Variants in CHRM5 observed in about 807,000 individuals in gnomAD.
The protein encoded by CHRM5 is cholinergic receptor muscarinic 5, also known as muscarinic acetylcholine receptor M5.
Under a neutral mutation model 39.0 loss-of-function variants are expected in CHRM5, and 18 were observed. The ratio of observed to expected loss-of-function variants is 0.46; its 90% CI spans 0.32 to 0.68. CHRM5 has a LOEUF of 0.68. CHRM5 is among the 30% of genes least tolerant of loss of function. CHRM5 has a pLI of 0.04. For synonymous variants in CHRM5, 241 were observed against 246.3 expected (o/e 0.98, Z 0.20); for missense variants, 515 against 651.1 (o/e 0.79, Z 2.28).
At chr15:34,047,978 A>G (rs1899773719) in intron 2 of CHRM5, among the ~76,000 whole-genome samples, 1 of 152,062 alleles carries the variant, frequency 6.6e-6, no homozygotes, top group Admixed American at 6.5e-5. Context: ...GGACCAAGTG[A>G]GTGGAGTAGC....
chr15:34,061,073 G>T (rs1297113947), intron 2 of CHRM5, among the ~76,000 whole-genome samples: 2 of 151,826 alleles, frequency 1.3e-5, no homozygotes, highest in Non-Finnish European at 2.9e-5. Context: ...TGTCAAGGTG[G>T]TGTTTGTTAT....
intron 1 of CHRM5, among the ~76,000 whole-genome samples, chr15:33,983,196 GTGTGTATATA>G (rs1220763558): frequency 1.7e-5 from 1 of 58,416 alleles, no homozygotes; most frequent in Non-Finnish European, 2.9e-5. Flanking sequence ...GTGTGTATGT[GTGTGTATATA>G]TATATATACA....
intron 1 of CHRM5, chr15:34,018,295 T>C (rs961841635): frequency 7.2e-5 from 11 of 152,276 alleles, no homozygotes; most frequent in African/African-American, 2.7e-4. Flanking sequence ...TTGTGGGTTC[T>C]CGGTCTCACT....
chr15:34,062,891 C>T lies in CHRM5; in HGVS notation c.174C>T (p.Asn58=), dbSNP rs760812750. ...NVLVMISFKV[N]SQLKTVNNYY... ...TGGTCATGATCTCCTTCAAAGTCAA[C>T]AGCCAGCTCAAGACAGTTAACAACT... The change falls in exon 3 of 3, where the codon AAC becomes AAT. Residue 58 remains asparagine (N), a synonymous_variant. Coordinates refer to ENST00000383263, the MANE Select transcript of CHRM5 (RefSeq NM_012125.4). 4 of 1,614,202 alleles carry T rather than the reference C, an allele frequency of 2.5e-6. No individual in the cohort carries two copies. The highest frequency in any genetic ancestry group is 1.7e-6 in the Non-Finnish European group (2 of 1,180,038).
intron 1 of CHRM5, among the ~76,000 whole-genome samples, chr15:34,021,584 G>A (rs892357457): frequency 3.9e-5 from 6 of 152,164 alleles, no homozygotes; most frequent in African/African-American, 1.4e-4. Flanking sequence ...GCCGTGTAAG[G>A]TGGCTCATGC....
At chr15:34,035,603 G>T (rs529303525) in intron 1 of CHRM5, among the ~76,000 whole-genome samples, 2 of 152,190 alleles carry the variant, frequency 1.3e-5, no homozygotes, top group Non-Finnish European at 2.9e-5. Context: ...CGGTGCCTCA[G>T]CTGTCTCATC....
intron 1 of CHRM5, among the ~76,000 whole-genome samples, chr15:34,010,502 C>T (rs931856965): frequency 6.6e-6 from 1 of 152,036 alleles, no homozygotes; most frequent in African/African-American, 2.4e-5. Flanking sequence ...TTTGCAGGTC[C>T]CTGGTTCTAC....
chr15:34,023,897 CT>C (rs1898321284), intron 1 of CHRM5, among the ~76,000 whole-genome samples: 1 of 152,110 alleles, frequency 6.6e-6, no homozygotes, highest in South Asian at 2.1e-4. Context: ...CATTCTGGCT[CT>C]TTTTATTGAT....
intron 2 of CHRM5, among the ~76,000 whole-genome samples, chr15:34,053,319 A>AAAAAAAAAAT (rs775436850): frequency 7.1e-5 from 3 of 42,102 alleles, no homozygotes; most frequent in Admixed American, 3.8e-4. Flanking sequence ...AAAAAAAAAA[A>AAAAAAAAAAT]ATATATATAT....
intron 1 of CHRM5, among the ~76,000 whole-genome samples, chr15:34,006,194 C>G (rs747297977): frequency 3.0e-4 from 45 of 152,162 alleles, no homozygotes; most frequent in Admixed American, 1.2e-3. Flanking sequence ...ACCTGTAGTC[C>G]CAGCTACTCA....
At chr15:33,997,608 T>G (rs756306956) in intron 1 of CHRM5, among the ~76,000 whole-genome samples, 1 of 152,138 alleles carries the variant, frequency 6.6e-6, no homozygotes, top group Non-Finnish European at 1.5e-5. Context: ...TCACACTTTC[T>G]CAAGAAGGTC....
Position 34,063,877 on chromosome 15 carries a change from C to T in CHRM5, c.1160C>T (p.Ala387Val). ...TATAAGTTCCGATTGGTGGTAAAAG[C>T]TGACGGGAACCAGGAGACCAACAAT... ...VAYKFRLVVK[A>V]DGNQETNNGC... is the part of the protein sequence containing the mutation. The change falls in exon 3 of 3, where the codon GCT becomes GTT. Residue 387 changes from alanine to valine, a missense_variant. Physicochemically the swap from Ala to Val is moderately conservative, Grantham distance 64. Transcript: ENST00000383263. This position sits in a 1 kb window ranked among gnomAD's most constrained non-coding sequence, Gnocchi z 4.1. 6.2e-7 allele frequency: 1 copy of T among 1,614,170 alleles called. No homozygotes were observed. Among genetic ancestry groups the T allele is most frequent in the Non-Finnish European group, 8.5e-7 (1 of 1,180,034 alleles).
chr15:34,013,881 G>C (rs1346733149), intron 1 of CHRM5, among the ~76,000 whole-genome samples: 1 of 152,078 alleles, frequency 6.6e-6, no homozygotes, highest in African/African-American at 2.4e-5. Context: ...GTAGACTCAC[G>C]GCCTGAGATG....
chr15:34,052,369 G>A (rs1899954567), intron 2 of CHRM5, among the ~76,000 whole-genome samples: 1 of 152,150 alleles, frequency 6.6e-6, no homozygotes, highest in South Asian at 2.1e-4. Context: ...AGCCACCTGT[G>A]ACAGACTCAC....
At chr15:34,005,055 A>T in intron 1 of CHRM5, among the ~76,000 whole-genome samples, 1 of 152,120 alleles carries the variant, frequency 6.6e-6, no homozygotes, top group Non-Finnish European at 1.5e-5. Flanking sequence ...GCAAAACTAA[A>T]ATATATAAAA....
At position 33,996,371 on chromosome 15, in the gene CHRM5, GCCT is replaced by G. The variant is rs201726407; in HGVS notation, c.-408+27226_-408+27228del. Among the ~76,000 whole-genome samples, 1,141 of 152,318 alleles carry G rather than the reference GCCT, an allele frequency of 7.5e-3. 7 individuals are homozygous for G. Among genetic ancestry groups the G allele is most frequent in the Middle Eastern group, 0.027 (8 of 294 alleles). ...TTTGAGTTCTGAGAACCGACAGACTGCCTCCTCAAGTGGGTCCCTGAACCCCAT... is the reference window on the plus strand; with the variant it reads ...TTTGAGTTCTGAGAACCGACAGACTGCCTCAAGTGGGTCCCTGAACCCCAT... On this transcript the variant is annotated intron_variant, in intron 1 of 2. Coordinates refer to ENST00000383263, the MANE Select transcript of CHRM5 (RefSeq NM_012125.4).
At chr15:34,059,480 G>C (rs1488964436) in intron 2 of CHRM5, among the ~76,000 whole-genome samples, 1 of 152,136 alleles carries the variant, frequency 6.6e-6, no homozygotes, top group African/African-American at 2.4e-5. Context: ...AGAGTAGATG[G>C]GGAGTCTGGA....
At chr15:34,034,755 G>GT (rs770265735) in intron 1 of CHRM5, among the ~76,000 whole-genome samples, 1 of 152,188 alleles carries the variant, frequency 6.6e-6, no homozygotes, top group East Asian at 1.9e-4. Context: ...AATAATTACA[G>GT]TGTGTGTGCA....
chr15:33,994,530 T>C lies in CHRM5; in HGVS notation c.-408+25380T>C, dbSNP rs865774049. On this transcript the variant is annotated intron_variant, in intron 1 of 2. Transcript: ENST00000383263. ...ATCCTCACCCTGGTCTGTGGAAAAATTGTCTTCCACAAAACCGGTCCCTGG... is the reference window on the plus strand; with the variant it reads ...ATCCTCACCCTGGTCTGTGGAAAAACTGTCTTCCACAAAACCGGTCCCTGG... Among the ~76,000 whole-genome samples the C allele has an allele frequency of 3.3e-5, 5 of 152,050 alleles. 1 individual carries two copies. The South Asian group carries it at 8.3e-4, about 25-fold the overall frequency.
Sources: allele counts gnomAD v4.1 joint callset (sites outside exome capture counted in the v4.1 genomes callset), GRCh38; gene constraint gnomAD v4.1.1; non-coding constraint Gnocchi (gnomAD v3.1); transcripts MANE v1.5; gene names NCBI Gene and HGNC (gene_info 2026-07-23, HGNC 2026-07-21).